Variants in RBFOX1 observed in about 807,000 individuals in gnomAD.
RBFOX1 encodes the protein RNA binding fox-1 homolog 1.
In RBFOX1, 8 loss-of-function variants were observed where a neutral mutation model predicts 57.7. The ratio of observed to expected loss-of-function variants is 0.14; its 90% CI spans 0.08 to 0.25. RBFOX1 has a LOEUF of 0.25. Among genes scored for constraint, RBFOX1 ranks in the 10% least tolerant of loss-of-function variants. The pLI is 1.00. For synonymous variants in RBFOX1, 326 were observed against 222.4 expected, an observed-to-expected ratio of 1.47 and a Z score of -4.15; for missense variants, 611 against 548.5, an observed-to-expected ratio of 1.11 and a Z score of -1.14.
chr16:6,821,141 A>C (rs950144403), intron 3 of RBFOX1, among the ~76,000 whole-genome samples: 2 of 152,174 alleles, frequency 1.3e-5, no homozygotes, highest in Non-Finnish European at 2.9e-5. Context: ...ATTCAGTGCC[A>C]GGTTTATCTG....
chr16:6,971,476 T>C (rs1194427701), intron 3 of RBFOX1, among the ~76,000 whole-genome samples: 3 of 150,120 alleles, frequency 2.0e-5, no homozygotes, highest in Non-Finnish European at 4.4e-5. Flanking sequence ...GCTTTTCAGA[T>C]TGCAATATGA....
chr16:5,604,668 A>C (rs748243822), downstream of RBFOX1, among the ~76,000 whole-genome samples: 1 of 152,186 alleles, frequency 6.6e-6, no homozygotes, highest in Non-Finnish European at 1.5e-5. Context: ...ATGGGGCCGC[A>C]CTGAGGTCTG....
At chr16:5,583,815 T>C (rs1336100234) in intron 2 of RBFOX1, among the ~76,000 whole-genome samples, 1 of 152,158 alleles carries the variant, frequency 6.6e-6, no homozygotes, top group Non-Finnish European at 1.5e-5. Flanking sequence ...CTGCTCAAGG[T>C]TATAAGTCTG....
chr16:6,710,142 C>T (rs888753181), intron 3 of RBFOX1, among the ~76,000 whole-genome samples: 3 of 152,058 alleles, frequency 2.0e-5, no homozygotes, highest in African/African-American at 7.2e-5. Context: ...GAGGGGAGTC[C>T]AAATCCAAGC....
At chr16:6,130,957 A>G (rs912967652) in intron 1 of RBFOX1, among the ~76,000 whole-genome samples, 2 of 152,204 alleles carry the variant, frequency 1.3e-5, no homozygotes, top group Non-Finnish European at 2.9e-5. Flanking sequence ...ACTCTCTCTG[A>G]TTGAAAAAAC....
intron 4 of RBFOX1, among the ~76,000 whole-genome samples, chr16:5,887,661 C>G (rs1486713456): frequency 6.6e-6 from 1 of 152,162 alleles, no homozygotes; most frequent in Non-Finnish European, 1.5e-5. Context: ...GCCTCAGCCT[C>G]TGAAAGTGCT....
chr16:7,662,099 C>T (rs780799916), intron 12 of RBFOX1, among the ~76,000 whole-genome samples: 2 of 152,188 alleles, frequency 1.3e-5, no homozygotes, highest in South Asian at 4.1e-4. Flanking sequence ...TCTTGGCCCA[C>T]ACCCATGCCA....
intron 4 of RBFOX1, among the ~76,000 whole-genome samples, chr16:7,147,257 A>G (rs1484750492): frequency 6.7e-6 from 1 of 149,452 alleles, no homozygotes; most frequent in Admixed American, 6.7e-5. Flanking sequence ...CGCCCACCTC[A>G]GCCTCCCAAA....
chr16:7,097,190 G>A (rs746879909), intron 4 of RBFOX1, among the ~76,000 whole-genome samples: 1 of 152,140 alleles, frequency 6.6e-6, no homozygotes, highest in Non-Finnish European at 1.5e-5. Context: ...TGTCTTCTCA[G>A]CTAGGACCTG....
At chr16:7,522,416 T>A (rs1177419167) in intron 5 of RBFOX1, among the ~76,000 whole-genome samples, 1 of 152,142 alleles carries the variant, frequency 6.6e-6, no homozygotes, top group African/African-American at 2.4e-5. Context: ...CTGGAGGGTA[T>A]AAACTGAGAA....
At position 5,306,501 on chromosome 16, in the gene RBFOX1, G is replaced by T. The variant is rs550031322; in HGVS notation, c.219+66396G>T. ...TGCCTGGCTAATTTTTGTATTTTTA[G>T]TAGAGACGGGGTTTTACCATGACCT... On this transcript the variant is annotated intron_variant, in intron 1 of 2. Transcript: ENST00000585867. Among the ~76,000 whole-genome samples the T allele has an allele frequency of 3.8e-4, 58 of 152,148 alleles. No homozygotes were observed. The East Asian group carries it at 9.7e-3, about 25-fold the overall frequency.
At chr16:6,706,454 T>TG (rs1042217428) in intron 3 of RBFOX1, among the ~76,000 whole-genome samples, 4 of 152,168 alleles carry the variant, frequency 2.6e-5, no homozygotes, top group African/African-American at 4.8e-5. Context: ...CAGCTTTGGA[T>TG]GGGGGGCCCC....
intron 1 of RBFOX1, among the ~76,000 whole-genome samples, chr16:6,252,060 C>T (rs150912401): frequency 6.6e-6 from 1 of 152,202 alleles, no homozygotes; most frequent in Non-Finnish European, 1.5e-5. Flanking sequence ...GATGGAGGTT[C>T]GTGGCCCTGA....
At chr16:6,467,661 T>A (rs944181497) in intron 2 of RBFOX1, among the ~76,000 whole-genome samples, 3 of 152,084 alleles carry the variant, frequency 2.0e-5, no homozygotes, top group Non-Finnish European at 2.9e-5. Context: ...GTGCATGCAG[T>A]TTTTAAGAGA....
intron 4 of RBFOX1, among the ~76,000 whole-genome samples, chr16:7,236,430 C>A (rs2093769729): frequency 6.6e-6 from 1 of 152,254 alleles, no homozygotes; most frequent in East Asian, 1.9e-4. Flanking sequence ...ATCTGGCCTT[C>A]AGTTCTCCTC....
At position 6,391,441 on chromosome 16, in the gene RBFOX1, T is replaced by C. The variant is rs922373374; in HGVS notation, c.-64+74384T>C. Reference sequence around the variant, plus strand: ...AGGAGAATGACGTGAACCCGGGAGGTGGAGCTTGCAGTGAGCCGAGATCGC... The same window carrying C: ...AGGAGAATGACGTGAACCCGGGAGGCGGAGCTTGCAGTGAGCCGAGATCGC... On this transcript the variant is annotated intron_variant, in intron 2 of 15. Coordinates refer to ENST00000550418, the MANE Select transcript of RBFOX1 (RefSeq NM_018723.4). Among the ~76,000 whole-genome samples the C allele has an allele frequency of 1.2e-3, 172 of 142,490 alleles. 1 individual carries two copies. The highest frequency in any genetic ancestry group is 4.4e-3 in the African/African-American group (164 of 37,568). The allele number at this position is 142,490 out of a possible 152,430, so 93.5% of individuals were successfully genotyped here.
At chr16:5,580,144 C>G (rs868161135) in intron 2 of RBFOX1, among the ~76,000 whole-genome samples, 3 of 152,180 alleles carry the variant, frequency 2.0e-5, no homozygotes, top group South Asian at 2.1e-4. Context: ...GACTCTGCCT[C>G]CCTCGTTCCC....
intron 1 of RBFOX1, among the ~76,000 whole-genome samples, chr16:6,140,514 TCCTGTAGGGTGG>T (rs1033609416): frequency 8.5e-5 from 13 of 152,146 alleles, no homozygotes; most frequent in Non-Finnish European, 1.9e-4. Context: ...TTCTACTTTC[TCCTGTAGGGTGG>T]CCTGTAGCAG....
intron 2 of RBFOX1, among the ~76,000 whole-genome samples, chr16:6,363,228 A>G (rs191110431): frequency 4.6e-5 from 7 of 152,218 alleles, no homozygotes; most frequent in Non-Finnish European, 8.8e-5. Flanking sequence ...TTTTTTCTAT[A>G]ATGTGGCCTT....
Sources: gnomAD v4.1 joint callset for allele counts (sites outside exome capture counted in the v4.1 genomes callset) on GRCh38, gnomAD v4.1.1 for gene constraint, MANE v1.5 for transcripts, NCBI Gene and HGNC (gene_info 2026-07-23, HGNC 2026-07-21) for gene names.